The following DEPTOR variants were observed in gnomAD, a reference collection of about 807,000 sequenced individuals.
The protein encoded by DEPTOR is DEP domain containing MTOR interacting protein.
In DEPTOR, 41 loss-of-function variants were observed where a neutral mutation model predicts 41.6. The ratio of observed to expected loss-of-function variants is 0.98; its 90% CI spans 0.77 to 1.28. The LOEUF is 1.28. Ranked by LOEUF, DEPTOR falls within the 50% of genes most tolerant of loss-of-function variation. The probability of loss-of-function intolerance (pLI) is 0.00; values close to 1 mark genes in which losing one functional copy is unlikely to be tolerated. For synonymous variants in DEPTOR, 195 were observed against 192.3 expected, an observed-to-expected ratio of 1.01 and a Z score of -0.12; for missense variants, 514 against 527.9, an observed-to-expected ratio of 0.97 and a Z score of 0.26.
intron 1 of DEPTOR, among the ~76,000 whole-genome samples, chr8:119,918,749 G>A (rs892231749): frequency 1.3e-5 from 2 of 151,976 alleles, no homozygotes; most frequent in African/African-American, 4.8e-5. Flanking sequence ...GTGTGCCACC[G>A]CGCCCAGCCT....
chr8:119,887,233 G>A (rs924775975), intron 1 of DEPTOR, among the ~76,000 whole-genome samples: 96 of 136,860 alleles, frequency 7.0e-4, no homozygotes, highest in Non-Finnish European at 1.4e-3. Context: ...GGGTTCAGTG[G>A]CATAATCTCA....
At chr8:120,007,726 A>G (rs1225255192) in intron 7 of DEPTOR, among the ~76,000 whole-genome samples, 1 of 152,222 alleles carries the variant, frequency 6.6e-6, no homozygotes, top group Non-Finnish European at 1.5e-5. Flanking sequence ...CACATTCTGA[A>G]TGCTGAGGAG....
intron 4 of DEPTOR, among the ~76,000 whole-genome samples, chr8:119,976,906 A>C (rs1414571643): frequency 1.3e-5 from 2 of 152,194 alleles, no homozygotes; most frequent in African/African-American, 4.8e-5. Flanking sequence ...TTCCACAGGA[A>C]AATGAGTGCT....
intron 5 of DEPTOR, 62 bp downstream of exon 5, chr8:120,001,772 T>C: frequency 1.3e-6 from 2 of 1,521,278 alleles, no homozygotes; most frequent in Non-Finnish European, 1.8e-6. Flanking sequence ...AGTGGAGCCA[T>C]GACTCACCTT....
chr8:119,968,277 A>T (rs533995524), intron 4 of DEPTOR, among the ~76,000 whole-genome samples: 21 of 151,960 alleles, frequency 1.4e-4, no homozygotes, highest in South Asian at 8.3e-4. Context: ...TTCTTTTTTT[A>T]AAAAATGTAT....
intron 1 of DEPTOR, among the ~76,000 whole-genome samples, chr8:119,920,754 G>A (rs1368532112): frequency 6.6e-6 from 1 of 152,166 alleles, no homozygotes; most frequent in Admixed American, 6.5e-5. Flanking sequence ...GTCCCACTCA[G>A]CCCCCTGAGG....
At chr8:119,971,938 C>G (rs1026929896) in intron 4 of DEPTOR, among the ~76,000 whole-genome samples, 1 of 152,156 alleles carries the variant, frequency 6.6e-6, no homozygotes, top group Non-Finnish European at 1.5e-5. Flanking sequence ...TCTAGGCAGG[C>G]CGATACAACA....
At chr8:119,928,257 A>T in intron 1 of DEPTOR, 143 bp from the exon 2 acceptor site, 1 of 840,842 alleles carries the variant, frequency 1.2e-6, no homozygotes. Flanking sequence ...CTCTGACAGT[A>T]TGGAAATCAC....
At chr8:119,900,790 A>G (rs970751975) in intron 1 of DEPTOR, among the ~76,000 whole-genome samples, 2 of 152,254 alleles carry the variant, frequency 1.3e-5, no homozygotes, top group Non-Finnish European at 1.5e-5. Flanking sequence ...TGCTTGATAT[A>G]GAATAACCAT....
At chr8:119,965,119 G>C in intron 3 of DEPTOR, 113 bp from the exon 4 acceptor site, 4 of 1,154,406 alleles carry the variant, frequency 3.5e-6, no homozygotes, top group Non-Finnish European at 4.8e-6. Context: ...CCTGACAGCT[G>C]CATCTGTCTG....
intron 8 of DEPTOR, among the ~76,000 whole-genome samples, chr8:120,024,785 C>CA (rs1261745775): frequency 2.0e-5 from 3 of 151,202 alleles, no homozygotes; most frequent in Admixed American, 6.6e-5. Flanking sequence ...GAATGTGAGA[C>CA]AAAAAAAAAT....
At chr8:119,900,090 G>T in intron 1 of DEPTOR, among the ~76,000 whole-genome samples, 1 of 151,982 alleles carries the variant, frequency 6.6e-6, no homozygotes, top group Non-Finnish European at 1.5e-5. Flanking sequence ...GGAGACTGAG[G>T]CAGGCAGATC....
chr8:120,038,916 T>C (rs939697222), intron 8 of DEPTOR, among the ~76,000 whole-genome samples: 7 of 152,228 alleles, frequency 4.6e-5, no homozygotes, highest in African/African-American at 1.7e-4. Context: ...ATTACACATG[T>C]AAAGAGTTTT....
At chr8:119,889,874 A>G (rs564303503) in intron 1 of DEPTOR, among the ~76,000 whole-genome samples, 1 of 152,208 alleles carries the variant, frequency 6.6e-6, no homozygotes, top group South Asian at 2.1e-4. Context: ...TCTTCTCATG[A>G]CTTTTAGATG....
intron 8 of DEPTOR, among the ~76,000 whole-genome samples, chr8:120,015,950 A>T (rs2130122244): frequency 6.6e-6 from 1 of 152,110 alleles, no homozygotes; most frequent in South Asian, 2.1e-4. Context: ...TGCCAGGAAC[A>T]TGTGGGGCAG....
rs549077172 is a variant in DEPTOR at position 119,929,672 on chromosome 8, A to C, written c.302-143A>C. 22 of 1,101,544 alleles carry C rather than the reference A, an allele frequency of 2.0e-5. No individual in the cohort carries two copies. The East Asian group carries it at 5.7e-4, about 29-fold the overall frequency. 68.2% of individuals were successfully genotyped at this position (1,101,544 alleles called of 1,614,324 possible). A position where few individuals can be genotyped will look rare whatever the true frequency, so the allele number is the denominator to read the frequency against. On this transcript the variant is annotated intron_variant, in intron 2 of 8. Transcript: ENST00000286234. Reference sequence around the variant, plus strand: ...CCAAGTACTATGTAACTATTTTACAAGTATTAGCTCATATGGTACATATTT... The same window carrying C: ...CCAAGTACTATGTAACTATTTTACACGTATTAGCTCATATGGTACATATTT...
chr8:120,035,134 A>T (rs181871290), intron 8 of DEPTOR, among the ~76,000 whole-genome samples: 1 of 152,222 alleles, frequency 6.6e-6, no homozygotes, highest in African/African-American at 2.4e-5. Flanking sequence ...CCTGGGCAAC[A>T]TGGCAAAACC....
intron 3 of DEPTOR, among the ~76,000 whole-genome samples, chr8:119,955,108 T>A (rs989340085): frequency 6.6e-6 from 1 of 152,184 alleles, no homozygotes; most frequent in Non-Finnish European, 1.5e-5. Flanking sequence ...TCTAACCACC[T>A]CGGCCTCCCA....
intron 4 of DEPTOR, among the ~76,000 whole-genome samples, chr8:119,997,859 T>A (rs1812293553): frequency 6.6e-6 from 1 of 152,220 alleles, no homozygotes; most frequent in Non-Finnish European, 1.5e-5. Context: ...TTGAACCAGT[T>A]AGCATGATTG....
Sources: allele counts gnomAD v4.1 joint callset (sites outside exome capture counted in the v4.1 genomes callset), GRCh38; gene constraint gnomAD v4.1.1; transcripts MANE v1.5; gene names NCBI Gene and HGNC (gene_info 2026-07-23, HGNC 2026-07-21).